The following FHIT variants were observed in gnomAD, a reference collection of about 807,000 sequenced individuals.
The protein encoded by FHIT is fragile histidine triad diadenosine triphosphatase, also known as bis(5'-adenosyl)-triphosphatase.
In FHIT, 19 loss-of-function variants were observed where a neutral mutation model predicts 17.9. The ratio of observed to expected loss-of-function variants is 1.06; its 90% CI spans 0.74 to 1.56. FHIT has a LOEUF of 1.56. Ranked by LOEUF, FHIT falls within the 40% of genes most tolerant of loss-of-function variation. FHIT has a pLI of 0.00. For missense variants in FHIT, 248 were observed against 189.2 expected, an observed-to-expected ratio of 1.31 and a Z score of -1.82; for synonymous variants, 81 against 69.7, an observed-to-expected ratio of 1.16 and a Z score of -0.81.
intron 8 of FHIT, among the ~76,000 whole-genome samples, chr3:59,814,142 A>G (rs1700512985): frequency 6.6e-6 from 1 of 152,180 alleles, no homozygotes; most frequent in Admixed American, 6.6e-5. Context: ...GGAGGATTTG[A>G]GCAAAGAAAA....
At chr3:61,018,342 C>A (rs1302286308) in intron 3 of FHIT, among the ~76,000 whole-genome samples, 1 of 152,166 alleles carries the variant, frequency 6.6e-6, no homozygotes. Context: ...AAGGAGAATT[C>A]TAGAACCTTC....
intron 5 of FHIT, among the ~76,000 whole-genome samples, chr3:60,532,749 C>G (rs1180670189): frequency 1.3e-5 from 2 of 152,208 alleles, no homozygotes; most frequent in African/African-American, 4.8e-5. Context: ...GAGAATGAAG[C>G]AAACGATCCT....
intron 5 of FHIT, among the ~76,000 whole-genome samples, chr3:60,172,439 A>AT (rs563530884): frequency 0.021 from 2,829 of 134,436 alleles, 90 homozygotes; most frequent in African/African-American, 0.069. Context: ...CTAATTTTGT[A>AT]TTTTTTTTTT....
chr3:60,569,755 A>ATATTTTTTTTT, intron 4 of FHIT, among the ~76,000 whole-genome samples: 7 of 77,336 alleles, frequency 9.1e-5, no homozygotes, highest in East Asian at 5.3e-4. Context: ...ATATATATAT[A>ATATTTTTTTTT]TTTTTTTTTT....
At chr3:60,656,054 G>A (rs1298764892) in intron 4 of FHIT, among the ~76,000 whole-genome samples, 2 of 152,112 alleles carry the variant, frequency 1.3e-5, no homozygotes, top group East Asian at 1.9e-4. Flanking sequence ...CAGTTTAAAC[G>A]ATAGCTGCTG....
At chr3:60,979,527 GTCCTACCTCC>G (rs1710401068) in intron 3 of FHIT, among the ~76,000 whole-genome samples, 2 of 152,200 alleles carry the variant, frequency 1.3e-5, no homozygotes, top group African/African-American at 2.4e-5. Context: ...TAGCTGCCAT[GTCCTACCTCC>G]TCTGGCAGTT....
At chr3:60,643,860 G>A (rs547955831) in intron 4 of FHIT, among the ~76,000 whole-genome samples, 2 of 152,292 alleles carry the variant, frequency 1.3e-5, no homozygotes, top group East Asian at 3.9e-4. Context: ...TTTGGGATCT[G>A]GAATCTATGT....
chr3:60,455,460 C>A (rs1166150400), intron 5 of FHIT, among the ~76,000 whole-genome samples: 1 of 152,068 alleles, frequency 6.6e-6, no homozygotes, highest in East Asian at 1.9e-4. Flanking sequence ...TCAAAACCAA[C>A]CAAATGAACC....
intron 8 of FHIT, among the ~76,000 whole-genome samples, chr3:59,774,428 G>T (rs1702212618): frequency 6.6e-6 from 1 of 152,190 alleles, no homozygotes; most frequent in Admixed American, 6.5e-5. Flanking sequence ...TTTTTGGTGT[G>T]TGAGGTTCGG....
chr3:60,585,940 A>C (rs1335469248), intron 4 of FHIT, among the ~76,000 whole-genome samples: 1 of 151,932 alleles, frequency 6.6e-6, no homozygotes, highest in Non-Finnish European at 1.5e-5. Flanking sequence ...TGTACATCAG[A>C]ACTCTCCAAG....
At chr3:59,806,594 G>A (rs1428182184) in intron 8 of FHIT, among the ~76,000 whole-genome samples, 1 of 151,000 alleles carries the variant, frequency 6.6e-6, no homozygotes, top group Non-Finnish European at 1.5e-5. Flanking sequence ...GTGAGTTAAA[G>A]CAGTTGAGCA....
chr3:60,949,419 G>A (rs1708782314), intron 3 of FHIT, among the ~76,000 whole-genome samples: 1 of 152,164 alleles, frequency 6.6e-6, no homozygotes, highest in Admixed American at 6.5e-5. Flanking sequence ...TGTACAAAAA[G>A]AAACACAACG....
intron 8 of FHIT, among the ~76,000 whole-genome samples, chr3:59,846,685 T>C (rs1288445338): frequency 6.6e-6 from 1 of 152,198 alleles, no homozygotes; most frequent in Non-Finnish European, 1.5e-5. Context: ...TTTCTTTATA[T>C]AGCTTCAAGT....
At chr3:60,431,495 T>A (rs1032959566) in intron 5 of FHIT, among the ~76,000 whole-genome samples, 1 of 152,110 alleles carries the variant, frequency 6.6e-6, no homozygotes, top group East Asian at 1.9e-4. Flanking sequence ...CTCAAAACTA[T>A]CTCCCCACCT....
At chr3:60,250,317 G>C (rs550834447) in intron 5 of FHIT, among the ~76,000 whole-genome samples, 51 of 152,182 alleles carry the variant, frequency 3.4e-4, no homozygotes, top group African/African-American at 1.2e-3. Context: ...ATGCTAACAG[G>C]CAAGATAAAA....
chr3:60,211,130 A>G (rs1478048863), intron 5 of FHIT, among the ~76,000 whole-genome samples: 2 of 151,524 alleles, frequency 1.3e-5, no homozygotes, highest in African/African-American at 2.4e-5. Context: ...ATCATTCTAG[A>G]AAGTGCAACT....
At chr3:60,144,643 G>T (rs758590323) in intron 5 of FHIT, among the ~76,000 whole-genome samples, 4 of 151,842 alleles carry the variant, frequency 2.6e-5, no homozygotes, top group Non-Finnish European at 5.9e-5. Context: ...AATATTTACG[G>T]GGTACAATTT....
At chr3:60,763,455 G>A (rs1553720590) in intron 4 of FHIT, among the ~76,000 whole-genome samples, 1 of 152,176 alleles carries the variant, frequency 6.6e-6, no homozygotes, top group East Asian at 1.9e-4. Context: ...TTATATAGCA[G>A]GCAATGTGTG....
At chr3:60,113,689 T>G (rs1174523316) in intron 5 of FHIT, among the ~76,000 whole-genome samples, 3 of 151,514 alleles carry the variant, frequency 2.0e-5, no homozygotes, top group Admixed American at 6.6e-5. Flanking sequence ...ACTGTACACT[T>G]AAACATGATC....
Sources: allele counts gnomAD v4.1 joint callset (sites outside exome capture counted in the v4.1 genomes callset), GRCh38; gene constraint gnomAD v4.1.1; transcripts MANE v1.5; gene names NCBI Gene and HGNC (gene_info 2026-07-23, HGNC 2026-07-21).